Variants in ARK2C observed in about 807,000 individuals in gnomAD.
The protein encoded by ARK2C is E3 ubiquitin-protein ligase ARK2C.
chr18:46,429,060 T>C, the ARK2C span, among the ~76,000 whole-genome samples: 1 of 151,708 alleles, frequency 6.6e-6, no homozygotes, highest in Non-Finnish European at 1.5e-5. Context: ...GACCATGGAG[T>C]GAAGGGAAGG....
the ARK2C span, among the ~76,000 whole-genome samples, chr18:46,419,002 T>C: frequency 6.6e-6 from 1 of 152,224 alleles, no homozygotes; most frequent in Non-Finnish European, 1.5e-5. Flanking sequence ...CAATGCTTAA[T>C]CCAAAGCAAT....
At chr18:46,419,964 C>T in the ARK2C span, among the ~76,000 whole-genome samples, 3 of 152,248 alleles carry the variant, frequency 2.0e-5, no homozygotes, top group South Asian at 6.2e-4. Context: ...CTCATGCACA[C>T]CTCCCCTCCC....
chr18:46,350,568 T>C, the ARK2C span, among the ~76,000 whole-genome samples: 20 of 151,954 alleles, frequency 1.3e-4, no homozygotes, highest in Admixed American at 2.6e-4. Flanking sequence ...TACAGCAACA[T>C]TTGGGTAGAG....
the ARK2C span, among the ~76,000 whole-genome samples, chr18:46,414,510 T>C: frequency 6.6e-6 from 1 of 152,186 alleles, no homozygotes; most frequent in Non-Finnish European, 1.5e-5. Flanking sequence ...TGCATGTACA[T>C]GCACATATCC....
At chr18:46,342,655 A>G in the ARK2C span, among the ~76,000 whole-genome samples, 1 of 152,244 alleles carries the variant, frequency 6.6e-6, no homozygotes, top group African/African-American at 2.4e-5. Flanking sequence ...ATTTCCACAG[A>G]AATAATAGGT....
At chr18:46,334,283 G>A in the ARK2C span, 1 of 1,574,094 alleles carries the variant, frequency 6.4e-7, no homozygotes, top group Middle Eastern at 1.9e-4. This position sits in a 1 kb window ranked among gnomAD's most constrained non-coding sequence, Gnocchi z 4.4. Flanking sequence ...GGATGGTCCT[G>A]GTCCACGTCG....
the ARK2C span, among the ~76,000 whole-genome samples, chr18:46,384,401 C>T: frequency 6.6e-6 from 1 of 152,220 alleles, no homozygotes; most frequent in East Asian, 1.9e-4. Context: ...CAGAGATGCT[C>T]TTCTTCAGAG....
chr18:46,383,278 A>G, the ARK2C span, among the ~76,000 whole-genome samples: 1 of 152,262 alleles, frequency 6.6e-6, no homozygotes, highest in African/African-American at 2.4e-5. Flanking sequence ...AAATTTCAAA[A>G]TGTGAAAAAT....
At chr18:46,427,750 C>G in the ARK2C span, among the ~76,000 whole-genome samples, 1 of 152,346 alleles carries the variant, frequency 6.6e-6, no homozygotes, top group Admixed American at 6.5e-5. Flanking sequence ...GATCCAGATA[C>G]AGCAAAGACA....
chr18:46,363,740 A>G, the ARK2C span, among the ~76,000 whole-genome samples: 7 of 152,084 alleles, frequency 4.6e-5, no homozygotes, highest in Admixed American at 4.6e-4. Flanking sequence ...CCAGCTGACT[A>G]TAAGCTCCTT....
the ARK2C span, among the ~76,000 whole-genome samples, chr18:46,352,748 A>G: frequency 6.6e-6 from 1 of 152,170 alleles, no homozygotes; most frequent in African/African-American, 2.4e-5. Context: ...GGGTCACGTA[A>G]CCACCCTTAG....
the ARK2C span, among the ~76,000 whole-genome samples, chr18:46,344,336 C>T: frequency 3.3e-5 from 5 of 152,136 alleles, no homozygotes; most frequent in South Asian, 2.1e-4. Flanking sequence ...GGGGTGGAGG[C>T]GCTCTCCATG....
At chr18:46,447,660 C>T in the ARK2C span, 1 of 1,614,116 alleles carries the variant, frequency 6.2e-7, no homozygotes, top group Non-Finnish European at 8.5e-7. Context: ...TCGAATGCAC[C>T]ACTTTCCCAG....
chr18:46,355,816 G>A, the ARK2C span, among the ~76,000 whole-genome samples: 1 of 152,218 alleles, frequency 6.6e-6, no homozygotes, highest in Non-Finnish European at 1.5e-5. Context: ...CCAAAGCCTT[G>A]CATGGCACCC....
the ARK2C span, among the ~76,000 whole-genome samples, chr18:46,361,854 G>C: frequency 2.6e-5 from 4 of 152,244 alleles, no homozygotes; most frequent in African/African-American, 9.6e-5. Context: ...TAGCAAATGA[G>C]GAGGTTAGGT....
At chr18:46,422,762 C>T in the ARK2C span, among the ~76,000 whole-genome samples, 5 of 152,200 alleles carry the variant, frequency 3.3e-5, no homozygotes, top group Admixed American at 3.3e-4. Context: ...GGTCACACCC[C>T]CGCCCTTTGC....
At chr18:46,379,450 C>G in the ARK2C span, among the ~76,000 whole-genome samples, 7 of 152,174 alleles carry the variant, frequency 4.6e-5, no homozygotes, top group Non-Finnish European at 1.0e-4. Context: ...CTTCCCTCCC[C>G]GAGTCCATTT....
chr18:46,403,500 A>G, the ARK2C span, among the ~76,000 whole-genome samples: 1 of 152,352 alleles, frequency 6.6e-6, no homozygotes, highest in South Asian at 2.1e-4. Context: ...CAGACATTTC[A>G]TAACAGTCTT....
chr18:46,377,522 G>T, the ARK2C span, among the ~76,000 whole-genome samples: 1 of 152,184 alleles, frequency 6.6e-6, no homozygotes, highest in Admixed American at 6.5e-5. Flanking sequence ...GGAGGAAGCA[G>T]TGTGGGAGAT....
Sources: gnomAD v4.1 joint callset for allele counts (sites outside exome capture counted in the v4.1 genomes callset) on GRCh38, gnomAD v4.1.1 for gene constraint, Gnocchi (gnomAD v3.1) non-coding constraint, MANE v1.5 for transcripts, NCBI Gene and HGNC (gene_info 2026-07-23, HGNC 2026-07-21) for gene names.